Variants in SHC2 observed in about 807,000 individuals in gnomAD.
SHC2 encodes SHC adaptor protein 2, also known as SHC-transforming protein 2.
A neutral mutation model predicts 60.6 loss-of-function variants in SHC2; 62 were observed. The ratio of observed to expected loss-of-function variants is 1.02; its 90% CI spans 0.83 to 1.26. SHC2 has a LOEUF of 1.26. Ranked by LOEUF, SHC2 falls within the 50% of genes most tolerant of loss-of-function variation. The pLI is 0.00. For synonymous variants in SHC2, 375 were observed against 372.4 expected, an observed-to-expected ratio of 1.01 and a Z score of -0.08; for missense variants, 873 against 822.2, an observed-to-expected ratio of 1.06 and a Z score of -0.76.
intron 7 of SHC2, among the ~76,000 whole-genome samples, chr19:435,510 G>C (rs1475938168): frequency 1.3e-5 from 2 of 152,246 alleles, no homozygotes; most frequent in Non-Finnish European, 2.9e-5. Flanking sequence ...CTCGTGACCA[G>C]CAGGCTGGGA....
intron 1 of SHC2, among the ~76,000 whole-genome samples, chr19:458,336 G>A (rs1362406260): frequency 7.4e-6 from 1 of 134,510 alleles, no homozygotes; most frequent in South Asian, 3.0e-4. Context: ...GCGGGTTCCG[G>A]GGAGACAGAA....
rs987333294 is a variant in SHC2, at chr19:417,676, C to T, written c.*6-354G>A. On this transcript the variant is annotated intron_variant, in intron 12 of 12. Transcript: ENST00000264554. ...TCCAGGTTATTTCTGGGGTCACCAA[C>T]GCCTTTCCGAGGGGACGCAGGCAGG... Among the ~76,000 whole-genome samples, 8 of 152,260 alleles carry T rather than the reference C, an allele frequency of 5.3e-5. 1 individual carries two copies. Among genetic ancestry groups the T allele is most frequent in the Admixed American group, 1.3e-4 (2 of 15,290 alleles).
chr19:450,683 C>A (rs1478675475), intron 1 of SHC2, among the ~76,000 whole-genome samples: 1 of 152,222 alleles, frequency 6.6e-6, no homozygotes, highest in Non-Finnish European at 1.5e-5. Flanking sequence ...CTTTTCTTGG[C>A]CGCGTCGTAT....
chr19:422,476 G>C lies in SHC2; in HGVS notation c.1310-20C>G, dbSNP rs1974304234. The C allele has an allele frequency of 6.7e-7, 1 of 1,493,296 alleles. No individual in the cohort carries two copies. Among genetic ancestry groups the C allele is most frequent in the African/African-American group, 1.4e-5 (1 of 71,770 alleles). 92.5% of individuals were successfully genotyped at this position (1,493,296 alleles called of 1,614,324 possible). ...AGGGTCCTGCAGGCCAGGGACAGGA[G>C]TGCTGGGCAGGCAGGGGGCAAGCAG... On this transcript the variant is annotated intron_variant, in intron 10 of 12. Coordinates refer to ENST00000264554, the MANE Select transcript of SHC2 (RefSeq NM_012435.3). This position sits in a 1 kb window ranked among gnomAD's most constrained non-coding sequence, Gnocchi z 5.0.
At chr19:443,209 A>G (rs1317490791) in intron 1 of SHC2, among the ~76,000 whole-genome samples, 20 of 93,202 alleles carry the variant, frequency 2.1e-4, no homozygotes, top group East Asian at 7.6e-4. Context: ...TGGGTAGATG[A>G]GTGGATGGGT....
chr19:417,961 T>G (rs1974191085), intron 12 of SHC2, among the ~76,000 whole-genome samples: 1 of 151,046 alleles, frequency 6.6e-6, no homozygotes, highest in Admixed American at 6.6e-5. Flanking sequence ...CACAGCCCCC[T>G]CCCCCTGCCG....
rs139470764 is a variant in SHC2, at chr19:430,702, C to G, written c.1156G>C (p.Val386Leu). ...ATCCTACCTGTACCGGTGGACCCCA[C>G]GTCCCATGGCAGGCTGCAGGCATCT... ...LRDACSLPWD[V>L]GSTGTAPPGD... is the part of the protein sequence containing the mutation. Residue 386 changes from valine to leucine, a missense_variant, in exon 9 of 13, where the codon GTG becomes CTG. By Grantham distance (32) the Val-to-Leu change is conservative (BLOSUM62 1). Coordinates refer to ENST00000264554, the MANE Select transcript of SHC2 (RefSeq NM_012435.3). 1.9e-6 allele frequency: 3 copies of G among 1,612,946 alleles called. No individual in the cohort carries two copies. The African/African-American group carries it at 4.0e-5, about 22-fold the overall frequency.
chr19:459,474 C>T (rs865860253), intron 1 of SHC2, among the ~76,000 whole-genome samples: 230 of 110,584 alleles, frequency 2.1e-3, no homozygotes, highest in African/African-American at 2.2e-3. Context: ...CTCAACTCAG[C>T]GTAGGGGGAA....
chr19:457,280 A>G (rs111971449), intron 1 of SHC2, among the ~76,000 whole-genome samples: 4 of 123,262 alleles, frequency 3.2e-5, no homozygotes, highest in Admixed American at 8.5e-5. Context: ...AAACCCCACC[A>G]CATCAGGCCT....
At position 425,212 on chromosome 19, in the gene SHC2, G is replaced by A. The variant is rs771419112; in HGVS notation, c.1194C>T (p.Tyr398=). 1.6e-5 allele frequency: 22 copies of A among 1,338,530 alleles called. No homozygotes were observed. Among genetic ancestry groups the A allele is most frequent in the Admixed American group, 1.2e-4 (4 of 33,160 alleles). 82.9% of individuals were successfully genotyped at this position (1,338,530 alleles called of 1,614,324 possible). A position where few individuals can be genotyped will look rare whatever the true frequency, so the allele number is the denominator to read the frequency against. ...STGTAPPGDG[Y]VQADARGPPD... The stretch of plus-strand genomic sequence containing the variant: ...GGGGGCCCCGGGCGTCCGCCTGCAC[G>A]TAGCCGTCCCCCGGTGGAGCTGGGG... The change falls in exon 10 of 13, where the codon TAC becomes TAT. Residue 398 remains tyrosine (Y), a synonymous_variant. Coordinates refer to ENST00000264554, the MANE Select transcript of SHC2 (RefSeq NM_012435.3). The surrounding 1 kb of genome is among the most constrained non-coding windows in gnomAD (Gnocchi z 4.1).
In SHC2 at chr19:430,673, G is replaced by A; in HGVS notation, c.1174+11C>T. 2 of 1,611,906 alleles carry A rather than the reference G, an allele frequency of 1.2e-6. No individual in the cohort carries two copies. Among genetic ancestry groups the A allele is most frequent in the Non-Finnish European group, 1.7e-6 (2 of 1,179,228 alleles). The stretch of plus-strand genomic sequence containing the variant: ...CTCGTGGGTACCCCTTGCAGCCCCA[G>A]CCCATCCTACCTGTACCGGTGGACC... On this transcript the variant is annotated intron_variant, in intron 9 of 12. Transcript: ENST00000264554.
At chr19:454,715 G>A (rs981313851) in intron 1 of SHC2, among the ~76,000 whole-genome samples, 26 of 152,218 alleles carry the variant, frequency 1.7e-4, no homozygotes, top group Middle Eastern at 3.4e-3. Flanking sequence ...GCTTGAACCC[G>A]GGAGGCGGAG....
Position 447,549 on chromosome 19 carries a change from C to A in SHC2, c.469-6617G>T, listed in dbSNP as rs1358869117. Among the ~76,000 whole-genome samples the A allele has an allele frequency of 2.6e-5, 4 of 152,334 alleles. No homozygotes were observed. The East Asian group carries it at 7.7e-4, about 29-fold the overall frequency. ...ATCCCAGCACTTTGGGAGGCCGAGG[C>A]GGGCGGCTCACCTGAGGTCAGGAGC... On this transcript the variant is annotated intron_variant, in intron 1 of 12. Transcript: ENST00000264554.
At chr19:436,712 T>A (rs952061150) in intron 4 of SHC2, 29 bp from the exon 5 acceptor site, 3 of 1,594,884 alleles carry the variant, frequency 1.9e-6, no homozygotes, top group Non-Finnish European at 2.5e-6. Flanking sequence ...CACGCGGTCA[T>A]GGGGGCCCCG....
At chr19:435,999 ACAG>A (rs1225399964) in intron 7 of SHC2, 163 bp downstream of exon 7, 1 of 725,744 alleles carries the variant, frequency 1.4e-6, no homozygotes, top group Non-Finnish European at 2.2e-6. Context: ...TCGGGTGTTA[ACAG>A]CCGAGGAAAC....
intron 1 of SHC2, among the ~76,000 whole-genome samples, chr19:452,503 A>G: frequency 1.0e-5 from 1 of 100,174 alleles, no homozygotes; most frequent in African/African-American, 4.0e-5. Context: ...ACTTGGGGGG[A>G]GTTCCTGCGT....
At chr19:444,073 GTGGA>G (rs1277394246) in intron 1 of SHC2, among the ~76,000 whole-genome samples, 1 of 144,162 alleles carries the variant, frequency 6.9e-6, no homozygotes, top group Non-Finnish European at 1.5e-5. Flanking sequence ...GGGTGGATGG[GTGGA>G]TGGATGGAGG....
At chr19:419,740 G>A (rs1974227260) in intron 11 of SHC2, 1 of 152,402 alleles carries the variant, frequency 6.6e-6, no homozygotes, top group South Asian at 2.1e-4. Context: ...TGGAGACACA[G>A]GCCTGAAAAT....
chr19:448,608 C>T (rs1196495331), intron 1 of SHC2, among the ~76,000 whole-genome samples: 1 of 152,172 alleles, frequency 6.6e-6, no homozygotes, highest in Non-Finnish European at 1.5e-5. Context: ...CGCCCCAGGA[C>T]ACTAGGTGAT....
Sources: allele counts gnomAD v4.1 joint callset (sites outside exome capture counted in the v4.1 genomes callset), GRCh38; gene constraint gnomAD v4.1.1; non-coding constraint Gnocchi (gnomAD v3.1); transcripts MANE v1.5; gene names NCBI Gene and HGNC (gene_info 2026-07-23, HGNC 2026-07-21).